Variants in RFX3 observed in about 807,000 individuals in gnomAD.
The protein encoded by RFX3 is transcription factor RFX3.
In RFX3, 14 loss-of-function variants were observed where a neutral mutation model predicts 98.6. That is an observed-to-expected ratio of 0.14 (90% CI 0.09 to 0.22). The LOEUF is 0.22. RFX3 is among the 10% of genes least tolerant of loss of function. The pLI, the probability that RFX3 is intolerant of heterozygous loss-of-function variation, is 1.00. For synonymous variants in RFX3, 383 were observed against 328.4 expected, an observed-to-expected ratio of 1.17 and a Z score of -1.80; for missense variants, 639 against 926.9, an observed-to-expected ratio of 0.69 and a Z score of 4.03.
chr9:3,400,761 T>C (rs1034095978), intron 1 of RFX3, among the ~76,000 whole-genome samples: 5 of 152,234 alleles, frequency 3.3e-5, no homozygotes, highest in Non-Finnish European at 7.3e-5. Flanking sequence ...TGCCAGGCAC[T>C]ACACTAAGTG....
At chr9:3,236,699 G>T (rs972391524) in intron 15 of RFX3, among the ~76,000 whole-genome samples, 1 of 152,186 alleles carries the variant, frequency 6.6e-6, no homozygotes, top group African/African-American at 2.4e-5. Flanking sequence ...ACACCACATT[G>T]CTAGAAGCAT....
rs10972037 is a variant in RFX3, at chr9:3,437,017, C to T, written c.-8-41421G>A. Among the ~76,000 whole-genome samples the T allele has an allele frequency of 7.9e-3, 1,202 of 152,090 alleles. 4 individuals carry two copies. The highest frequency in any genetic ancestry group is 0.013 in the Admixed American group (202 of 15,244). ...AAGTTGAAATGGAAATGACAAAATC[C>T]TAGCAGTTTTCTTTTATAGCACAAT... On this transcript the variant is annotated intron_variant, in intron 1 of 16. Transcript: ENST00000617270.
chr9:3,295,461 T>C (rs1827878973), intron 5 of RFX3, among the ~76,000 whole-genome samples: 2 of 151,906 alleles, frequency 1.3e-5, no homozygotes, highest in African/African-American at 4.8e-5. Flanking sequence ...TCTTAATATA[T>C]TAAAGAAGGG....
At chr9:3,477,773 TATA>T in intron 1 of RFX3, among the ~76,000 whole-genome samples, 1 of 152,196 alleles carries the variant, frequency 6.6e-6, no homozygotes, top group East Asian at 1.9e-4. Context: ...CTGGGAATCC[TATA>T]ATGTCCATGT....
intron 13 of RFX3, among the ~76,000 whole-genome samples, chr9:3,259,442 C>G (rs150908777): frequency 7.1e-4 from 107 of 150,338 alleles, no homozygotes; most frequent in African/African-American, 2.5e-3. Context: ...CCTTGTGAAA[C>G]GAATGTAGAT....
chr9:3,334,719 A>G (rs1309783871), intron 3 of RFX3, among the ~76,000 whole-genome samples: 1 of 152,164 alleles, frequency 6.6e-6, no homozygotes, highest in Non-Finnish European at 1.5e-5. Context: ...ATATTAAGGA[A>G]TGAAGTGTGA....
chr9:3,503,882 C>A (rs182434520), intron 1 of RFX3, among the ~76,000 whole-genome samples: 216 of 151,800 alleles, frequency 1.4e-3, no homozygotes, highest in African/African-American at 5.1e-3. Context: ...CATAAGTAAA[C>A]TAAGGGTATA....
chr9:3,314,536 T>G (rs1024418009), intron 4 of RFX3, among the ~76,000 whole-genome samples: 9 of 152,116 alleles, frequency 5.9e-5, no homozygotes, highest in Non-Finnish European at 1.3e-4. Context: ...TAACCTTAAA[T>G]GTAAATGGGC....
chr9:3,267,805 A>T (rs981088355), intron 11 of RFX3, among the ~76,000 whole-genome samples: 2 of 151,958 alleles, frequency 1.3e-5, no homozygotes, highest in Non-Finnish European at 2.9e-5. Flanking sequence ...AATGAAAAAG[A>T]GTGAAAAAAA....
chr9:3,407,828 G>A (rs923035836), intron 1 of RFX3, among the ~76,000 whole-genome samples: 4 of 152,000 alleles, frequency 2.6e-5, no homozygotes, highest in African/African-American at 9.7e-5. Flanking sequence ...TCTCAGCTAA[G>A]ACTAATAAAA....
chr9:3,261,686 C>G (rs146451055), intron 13 of RFX3, among the ~76,000 whole-genome samples: 1 of 152,060 alleles, frequency 6.6e-6, no homozygotes, highest in Admixed American at 6.6e-5. Flanking sequence ...CTGAGTCATA[C>G]GGTAACTATA....
chr9:3,375,375 T>C (rs188249946), intron 2 of RFX3, among the ~76,000 whole-genome samples: 23 of 152,316 alleles, frequency 1.5e-4, no homozygotes, highest in African/African-American at 5.1e-4. Flanking sequence ...AGCTTATTTG[T>C]CTTATCTAAC....
intron 5 of RFX3, among the ~76,000 whole-genome samples, chr9:3,299,658 A>C (rs1370932491): frequency 6.6e-6 from 1 of 151,790 alleles, no homozygotes; most frequent in Admixed American, 6.6e-5. Context: ...AAATGAAGCC[A>C]TGAAGTAATA....
rs1245995922 is a variant in RFX3, at chr9:3,396,215, G to T, written c.-8-619C>A. 4.0e-5 allele frequency among the ~76,000 whole-genome samples: 6 copies of T among 151,296 alleles called. No individual in the cohort carries two copies. The South Asian group carries it at 1.3e-3, about 32-fold the overall frequency. On this transcript the variant is annotated intron_variant, in intron 1 of 16. Coordinates refer to ENST00000617270, the MANE Select transcript of RFX3 (RefSeq NM_001282116.2). ...TCCCCTCCACCCCACAACAGGCCCC[G>T]ATGTGTGATGTTCTCCTTCCTGTGT...
chr9:3,492,038 T>C (rs1180639995), intron 1 of RFX3, among the ~76,000 whole-genome samples: 20 of 152,188 alleles, frequency 1.3e-4, no homozygotes, highest in Admixed American at 1.2e-3. Flanking sequence ...TTTATTTTCA[T>C]CTCTGGCACA....
intron 3 of RFX3, among the ~76,000 whole-genome samples, chr9:3,332,626 T>C (rs12002029): frequency 0.059 from 8,924 of 152,226 alleles, 857 homozygotes; most frequent in African/African-American, 0.2. Flanking sequence ...TAAAAACCTT[T>C]CCATGATTCT....
At chr9:3,298,797 GT>G (rs960024417) in intron 5 of RFX3, among the ~76,000 whole-genome samples, 1 of 151,706 alleles carries the variant, frequency 6.6e-6, no homozygotes, top group Non-Finnish European at 1.5e-5. Context: ...CCTAATAAGA[GT>G]TTTTAAAATT....
At chr9:3,313,647 A>G (rs1830227494) in intron 4 of RFX3, among the ~76,000 whole-genome samples, 1 of 152,196 alleles carries the variant, frequency 6.6e-6, no homozygotes, top group Non-Finnish European at 1.5e-5. Flanking sequence ...CGAATGGCTA[A>G]CTAGAATAAA....
chr9:3,420,963 G>C, intron 1 of RFX3: 1 of 968,482 alleles, frequency 1.0e-6, no homozygotes, highest in Non-Finnish European at 1.2e-6. Context: ...ACAGAAACTA[G>C]CCTAAGGAGT....
Sources: allele counts gnomAD v4.1 joint callset (sites outside exome capture counted in the v4.1 genomes callset), GRCh38; gene constraint gnomAD v4.1.1; transcripts MANE v1.5; gene names NCBI Gene and HGNC (gene_info 2026-07-23, HGNC 2026-07-21).